Variants in CFAP97 observed in about 807,000 individuals in gnomAD.
CFAP97 encodes the protein cilia and flagella associated protein 97, also known as cilia- and flagella-associated protein 97.
Under a neutral mutation model 43.1 loss-of-function variants are expected in CFAP97, and 36 were observed. The observed-to-expected ratio is 0.84, with a 90% confidence interval of 0.64 to 1.10. CFAP97 has a LOEUF of 1.10. Ranked by LOEUF, CFAP97 falls within the 50% of genes least tolerant of loss-of-function variation. The pLI, the probability that CFAP97 is intolerant of heterozygous loss-of-function variation, is 0.00. For synonymous variants in CFAP97, 228 were observed against 225.7 expected, an observed-to-expected ratio of 1.01 and a Z score of -0.09; for missense variants, 657 against 620.3, an observed-to-expected ratio of 1.06 and a Z score of -0.63.
intron 4 of CFAP97, 96 bp from the exon 5 acceptor site, chr4:185,163,021 A>G: frequency 2.7e-6 from 3 of 1,099,616 alleles, no homozygotes; most frequent in Non-Finnish European, 3.6e-6. Context: ...CTAATAGTCT[A>G]ATGCTATGAT....
chr4:185,208,463 C>T (rs1454630857), upstream of CFAP97, among the ~76,000 whole-genome samples: 5 of 152,056 alleles, frequency 3.3e-5, no homozygotes, highest in East Asian at 1.9e-4. Flanking sequence ...GGCGCGGTGG[C>T]TTACACCTAT....
intron 2 of CFAP97, among the ~76,000 whole-genome samples, chr4:185,177,881 T>C (rs1439228453): frequency 6.6e-6 from 1 of 152,014 alleles, no homozygotes; most frequent in East Asian, 1.9e-4. Context: ...AAAGTAAGTA[T>C]GGTATAGAAA....
At chr4:185,181,678 C>T (rs904758378) in intron 2 of CFAP97, among the ~76,000 whole-genome samples, 3 of 152,182 alleles carry the variant, frequency 2.0e-5, no homozygotes, top group African/African-American at 4.8e-5. Context: ...AATCATCAAG[C>T]TTGCTCTTTT....
chr4:185,187,973 T>A (rs574229129), intron 2 of CFAP97, among the ~76,000 whole-genome samples: 1 of 152,172 alleles, frequency 6.6e-6, no homozygotes, highest in African/African-American at 2.4e-5. Context: ...CTCGGCTAAC[T>A]GCAACCTCCA....
At chr4:185,163,348 G>C (rs1734940404) in intron 4 of CFAP97, among the ~76,000 whole-genome samples, 2 of 152,114 alleles carry the variant, frequency 1.3e-5, no homozygotes, top group South Asian at 4.1e-4. Flanking sequence ...GAGAGTTGAA[G>C]ACTCACGAGG....
intron 2 of CFAP97, among the ~76,000 whole-genome samples, chr4:185,188,074 T>C (rs545481038): frequency 6.6e-6 from 1 of 151,744 alleles, no homozygotes; most frequent in African/African-American, 2.4e-5. Flanking sequence ...TTTTTGTATT[T>C]TTAGTAGAGA....
rs1737355697 is a variant in CFAP97, at chr4:185,209,261, G to A, written c.-74+64C>T. On this transcript the variant is annotated intron_variant, in intron 1 of 2. Transcript: ENST00000503223. This position sits in a 1 kb window ranked among gnomAD's most constrained non-coding sequence, Gnocchi z 5.2. ...GAAAACCAGGCAGAAATGTTTGCCG[G>A]CTGTAAGCAAAGCGAAGAGGTTACT... 6.6e-6 allele frequency: 1 copy of A among 152,286 alleles called. No individual in the cohort carries two copies. Among genetic ancestry groups the A allele is most frequent in the Non-Finnish European group, 1.5e-5 (1 of 68,064 alleles). 9.4% of individuals were successfully genotyped at this position (152,286 alleles called of 1,614,324 possible). A position where few individuals can be genotyped will look rare whatever the true frequency, so the allele number is the denominator to read the frequency against.
In CFAP97 at chr4:185,191,104, T is replaced by A; in HGVS notation, c.93A>T (p.Ser31=). ...GGTCATCATTTTGCTTGTCAAAAAC[T>A]GAGTTAGTTTCACATTTCTTTCCTT... ...FEEGKKCETN[S]VFDKQNDDPK... is the part of the protein sequence containing the mutation. Residue 31 remains serine (S), a synonymous_variant, in exon 2 of 5, where the codon TCA becomes TCT. Transcript: ENST00000458385. 2 of 1,612,610 alleles carry A rather than the reference T, an allele frequency of 1.2e-6. No individual in the cohort carries two copies. Among genetic ancestry groups the A allele is most frequent in the Non-Finnish European group, 1.7e-6 (2 of 1,179,618 alleles).
upstream of CFAP97, chr4:185,209,874 G>A: frequency 1.0e-6 from 1 of 983,240 alleles, no homozygotes; most frequent in Non-Finnish European, 1.2e-6. The surrounding 1 kb of genome is among the most constrained non-coding windows in gnomAD (Gnocchi z 5.2). Context: ...CCAGCCCCGC[G>A]CGGGCCGCAG....
chr4:185,171,338 C>CA (rs1735295164), intron 3 of CFAP97, among the ~76,000 whole-genome samples: 1 of 151,918 alleles, frequency 6.6e-6, no homozygotes, highest in South Asian at 2.1e-4. Flanking sequence ...CAAAAGCCAA[C>CA]AAAAAAATCC....
chr4:185,192,045 G>A (rs943691359), intron 1 of CFAP97, among the ~76,000 whole-genome samples: 3 of 152,176 alleles, frequency 2.0e-5, no homozygotes, highest in Non-Finnish European at 2.9e-5. Context: ...ATGCAGTGAG[G>A]ATTGACTGAC....
chr4:185,168,678 A>G (rs1735165279), intron 3 of CFAP97, among the ~76,000 whole-genome samples: 1 of 152,114 alleles, frequency 6.6e-6, no homozygotes, highest in South Asian at 2.1e-4. Flanking sequence ...GCAGATCACG[A>G]GGTCAGGAGT....
intron 2 of CFAP97, among the ~76,000 whole-genome samples, chr4:185,183,801 A>G (rs973357337): frequency 1.3e-5 from 2 of 152,192 alleles, no homozygotes; most frequent in Non-Finnish European, 2.9e-5. Flanking sequence ...CTGCGCCTTA[A>G]AAAGCCCTGA....
intron 2 of CFAP97, among the ~76,000 whole-genome samples, chr4:185,181,680 T>C (rs1235274056): frequency 6.6e-6 from 1 of 152,202 alleles, no homozygotes; most frequent in African/African-American, 2.4e-5. Flanking sequence ...TCATCAAGCT[T>C]GCTCTTTTAA....
intron 2 of CFAP97, among the ~76,000 whole-genome samples, chr4:185,178,626 T>G (rs185683956): frequency 3.2e-4 from 49 of 152,306 alleles, no homozygotes; most frequent in African/African-American, 1.2e-3. Flanking sequence ...TATTAGTTAC[T>G]ACTGCTCTGC....
intron 3 of CFAP97, among the ~76,000 whole-genome samples, chr4:185,170,931 G>A (rs1427949578): frequency 7.6e-6 from 1 of 132,342 alleles, no homozygotes; most frequent in Non-Finnish European, 1.5e-5. Context: ...GTTGCAGTGA[G>A]CCAAGACTGA....
intron 3 of CFAP97, among the ~76,000 whole-genome samples, chr4:185,174,288 T>C (rs910881921): frequency 2.0e-5 from 3 of 152,194 alleles, no homozygotes; most frequent in African/African-American, 7.2e-5. Flanking sequence ...CCACGAAACA[T>C]GAACAAATCT....
chr4:185,196,866 G>A (rs1235667667), intron 1 of CFAP97, among the ~76,000 whole-genome samples: 1 of 152,116 alleles, frequency 6.6e-6, no homozygotes, highest in Non-Finnish European at 1.5e-5. Context: ...TTGGGAAGCT[G>A]AGGTGAATGG....
upstream of CFAP97, chr4:185,210,150 G>T (rs1737501730): frequency 1.0e-6 from 1 of 984,182 alleles, no homozygotes; most frequent in South Asian, 4.7e-5. This position sits in a 1 kb window ranked among gnomAD's most constrained non-coding sequence, Gnocchi z 4.4. Context: ...TCCTGCTGGG[G>T]ATCCTGTTTG....
Sources: allele counts gnomAD v4.1 joint callset (sites outside exome capture counted in the v4.1 genomes callset), GRCh38; gene constraint gnomAD v4.1.1; non-coding constraint Gnocchi (gnomAD v3.1); transcripts MANE v1.5; gene names NCBI Gene and HGNC (gene_info 2026-07-23, HGNC 2026-07-21).